Variants in DDRGK1 observed in about 807,000 individuals in gnomAD.
DDRGK1 encodes DDRGK domain-containing protein 1.
A neutral mutation model predicts 45.8 loss-of-function variants in DDRGK1; 38 were observed. The ratio of observed to expected loss-of-function variants is 0.83; its 90% CI spans 0.64 to 1.09. DDRGK1 has a LOEUF of 1.09. Among genes scored for constraint, DDRGK1 ranks in the 50% least tolerant of loss-of-function variants. DDRGK1 has a pLI of 0.00. For missense variants in DDRGK1, 403 were observed against 419.9 expected (o/e 0.96, Z 0.35); for synonymous variants, 171 against 168.7 (o/e 1.01, Z -0.11).
intron 6 of DDRGK1, 151 bp from the exon 7 acceptor site, chr20:3,191,972 G>GACC (rs1555770463): frequency 3.6e-6 from 2 of 562,660 alleles, no homozygotes; most frequent in Non-Finnish European, 6.3e-6. Context: ...TTGCTCCCCT[G>GACC]ACACACACAC....
In DDRGK1 at chr20:3,198,711, AAAAAAAAAC is replaced by A. The variant is rs1207462373; in HGVS notation, c.510+1281_510+1289del. 2.9e-3 allele frequency among the ~76,000 whole-genome samples: 424 copies of A among 145,570 alleles called. 7 individuals carry two copies. The highest frequency in any genetic ancestry group is 4.4e-3 in the Non-Finnish European group (294 of 66,500). On this transcript the variant is annotated intron_variant, in intron 4 of 8. Transcript: ENST00000354488. Reference sequence around the variant, plus strand: ...GTGGAACTCCGTTTCAAAAAAAAAAAAAAAAAAACAAAACAGAAATTCTGATAAACTGTC... The same window carrying A: ...GTGGAACTCCGTTTCAAAAAAAAAAAAAAACAGAAATTCTGATAAACTGTC...
chr20:3,191,101 C>A, intron 8 of DDRGK1, 89 bp downstream of exon 8: 2 of 1,550,932 alleles, frequency 1.3e-6, no homozygotes, highest in South Asian at 2.3e-5. Context: ...CTTGGGTGGT[C>A]ATCCTGCCTC....
At chr20:3,194,798 T>C (rs1322050095) in intron 6 of DDRGK1, 32 bp downstream of exon 6, 1 of 1,613,786 alleles carries the variant, frequency 6.2e-7, no homozygotes, top group Non-Finnish European at 8.5e-7. Flanking sequence ...GGCAGGGAGC[T>C]GACACTCAGG....
In DDRGK1 at chr20:3,201,720, C is replaced by T. The variant is rs545609567; in HGVS notation, c.296-1266G>A. ...TTGCCCAGGGTGGAGTGCAGTGGCG[C>T]GATCTCGGCTCGCTGCAAGCACCAC... On this transcript the variant is annotated intron_variant, in intron 2 of 8. Coordinates refer to ENST00000354488, the MANE Select transcript of DDRGK1 (RefSeq NM_023935.3). Among the ~76,000 whole-genome samples, 658 of 150,260 alleles carry T rather than the reference C, an allele frequency of 4.4e-3. 3 individuals are homozygous for T. The highest frequency in any genetic ancestry group is 0.014 in the African/African-American group (587 of 40,916).
chr20:3,203,155 C>A, intron 2 of DDRGK1, 58 bp downstream of exon 2: 1 of 1,428,866 alleles, frequency 7.0e-7, no homozygotes, highest in South Asian at 1.5e-5. Context: ...GCTTTGGGGG[C>A]CCTTTTATCC....
chr20:3,200,091 A>G lies in DDRGK1; in HGVS notation c.420T>C (p.Ala140=). The G allele has an allele frequency of 1.2e-6, 2 of 1,613,642 alleles. No homozygotes were observed. Among genetic ancestry groups the G allele is most frequent in the Non-Finnish European group, 1.7e-6 (2 of 1,179,910 alleles). The change falls in exon 4 of 9, where the codon GCT becomes GCC. Residue 140 remains alanine, a synonymous_variant. Coordinates refer to ENST00000354488, the MANE Select transcript of DDRGK1 (RefSeq NM_023935.3). ...ARKAQREAEE[A]EREERKRLES... ...CGAGTCGTTTCCGCTCCTCACGTTCAGCCTCCTCTGCCTGGAGAGAGGTCT... is the reference window on the plus strand; with the variant it reads ...CGAGTCGTTTCCGCTCCTCACGTTCGGCCTCCTCTGCCTGGAGAGAGGTCT...
rs34672443 is a variant in DDRGK1 at position 3,197,224 on chromosome 20, G to GA, written c.511-1872dup. Among the ~76,000 whole-genome samples, 466 of 74,510 alleles carry GA rather than the reference G, an allele frequency of 6.3e-3. 1 individual carries two copies. Among genetic ancestry groups the GA allele is most frequent in the Non-Finnish European group, 8.3e-3 (325 of 39,260 alleles). The allele number at this position is 74,510 out of a possible 152,430, so 48.9% of individuals were successfully genotyped here. On this transcript the variant is annotated intron_variant, in intron 4 of 8. Transcript: ENST00000354488. The stretch of plus-strand genomic sequence containing the variant: ...GATGACAGAGTGAGACTCCATCTCA[G>GA]AAAAAAAAAAAAAAAAAAAAAAGAC...
chr20:3,194,734 G>T, intron 6 of DDRGK1, 96 bp downstream of exon 6: 1 of 1,520,328 alleles, frequency 6.6e-7, no homozygotes, highest in South Asian at 1.1e-5. Flanking sequence ...TCCTGCATGA[G>T]CCTGAATGCC....
At chr20:3,196,410 G>A (rs539057580) in intron 4 of DDRGK1, among the ~76,000 whole-genome samples, 13 of 152,286 alleles carry the variant, frequency 8.5e-5, no homozygotes, top group African/African-American at 2.9e-4. Context: ...GGGCGTGGTG[G>A]CTCACGCCTG....
rs115861501 is a variant in DDRGK1, at chr20:3,191,546, G to A, written c.729+219C>T. The A allele has an allele frequency of 5.9e-4, 435 of 740,142 alleles. 1 individual carries two copies. The African/African-American group carries it at 7.2e-3, about 12-fold the overall frequency. The allele number at this position is 740,142 out of a possible 1,614,324, so 45.8% of individuals were successfully genotyped here. A position where few individuals can be genotyped will look rare whatever the true frequency, so the allele number is the denominator to read the frequency against. ...TTGGGCTGCTTTGGTCACAGGGGCTGGCAGAGTGATGGGGTTTGGGTTTTT... is the reference window on the plus strand; with the variant it reads ...TTGGGCTGCTTTGGTCACAGGGGCTAGCAGAGTGATGGGGTTTGGGTTTTT... On this transcript the variant is annotated intron_variant, in intron 7 of 8. Coordinates refer to ENST00000354488, the MANE Select transcript of DDRGK1 (RefSeq NM_023935.3).
intron 6 of DDRGK1, 89 bp downstream of exon 6, chr20:3,194,741 T>G: frequency 1.3e-6 from 2 of 1,551,660 alleles, no homozygotes; most frequent in Non-Finnish European, 1.8e-6. Context: ...TGAGCCTGAA[T>G]GCCCTGCCTG....
chr20:3,200,796 T>G (rs934638049), intron 2 of DDRGK1, among the ~76,000 whole-genome samples: 5 of 151,766 alleles, frequency 3.3e-5, no homozygotes, highest in African/African-American at 1.2e-4. Flanking sequence ...GCAATCATGG[T>G]GAAACCCCAT....
chr20:3,192,382 G>C (rs1194852096), intron 6 of DDRGK1, among the ~76,000 whole-genome samples: 1 of 152,214 alleles, frequency 6.6e-6, no homozygotes, highest in Non-Finnish European at 1.5e-5. Flanking sequence ...TGGTGAGACA[G>C]GTGAGTACAT....
In DDRGK1 at chr20:3,195,326, C is replaced by A; in HGVS notation, c.538G>T (p.Glu180Ter). The stretch of plus-strand genomic sequence containing the variant: ...TCCTCATGCTCCCGCTGGGCCTGCT[C>A]CTCGCGGGCCTTCCTCTCCTCCTCC... ...KEEEERKARE[E>*]QAQREHEEYL... Residue 180 changes from glutamate to a stop codon, truncating the protein, a stop_gained, in exon 5 of 9, where the codon GAG becomes TAG. Coordinates refer to ENST00000354488, the MANE Select transcript of DDRGK1 (RefSeq NM_023935.3). LOFTEE classifies it high-confidence loss of function. 6.2e-7 allele frequency: 1 copy of A among 1,608,252 alleles called. No individual in the cohort carries two copies. The highest frequency in any genetic ancestry group is 8.5e-7 in the Non-Finnish European group (1 of 1,177,088).
At chr20:3,197,283 CAT>C (rs983970879) in intron 4 of DDRGK1, among the ~76,000 whole-genome samples, 3 of 146,402 alleles carry the variant, frequency 2.0e-5, no homozygotes, top group African/African-American at 7.6e-5. Flanking sequence ...GAAGGAGAGA[CAT>C]ATCTCCTGTA....
chr20:3,195,365 GGAGGCAAAA>G lies in DDRGK1; in HGVS notation c.511-21_511-13del. Reference sequence around the variant, plus strand: ...CTCTCCTCCTCCTCCTGTGGACATAGGAGGCAAAAGTCAGGTATCGGGGGCAGAACAGGG... The same window carrying G: ...CTCTCCTCCTCCTCCTGTGGACATAGGTCAGGTATCGGGGGCAGAACAGGG... On this transcript the variant is annotated splice_polypyrimidine_tract_variant and intron_variant, in intron 4 of 8. Transcript: ENST00000354488. The G allele has an allele frequency of 1.9e-6, 3 of 1,578,228 alleles. No individual in the cohort carries two copies. Among genetic ancestry groups the G allele is most frequent in the Non-Finnish European group, 2.6e-6 (3 of 1,164,280 alleles).
At chr20:3,203,042 A>G (rs1275569268) in intron 2 of DDRGK1, among the ~76,000 whole-genome samples, 171 bp downstream of exon 2, 1 of 151,890 alleles carries the variant, frequency 6.6e-6, no homozygotes, top group African/African-American at 2.4e-5. Context: ...GGGGGGGTTG[A>G]CCCAGTGGAA....
chr20:3,197,670 AT>A (rs2067017415), intron 4 of DDRGK1, among the ~76,000 whole-genome samples: 2 of 151,672 alleles, frequency 1.3e-5, no homozygotes, highest in African/African-American at 4.8e-5. Context: ...TGGCTCACAC[AT>A]GTAATCCCAG....
chr20:3,200,516 C>A, intron 2 of DDRGK1, 62 bp from the exon 3 acceptor site: 2 of 1,433,540 alleles, frequency 1.4e-6, no homozygotes, highest in Non-Finnish European at 9.6e-7. Flanking sequence ...GACGATGGAT[C>A]CCCAACCCCT....
Sources: allele counts gnomAD v4.1 joint callset (sites outside exome capture counted in the v4.1 genomes callset), GRCh38; gene constraint gnomAD v4.1.1; transcripts MANE v1.5; gene names NCBI Gene and HGNC (gene_info 2026-07-23, HGNC 2026-07-21).